Variants in AVEN observed in about 807,000 individuals in gnomAD.
The protein encoded by AVEN is cell death regulator Aven.
AVEN carries 41 observed loss-of-function variants against 38.1 expected under a neutral mutation model. The ratio of observed to expected loss-of-function variants is 1.08; its 90% CI spans 0.84 to 1.40. The LOEUF is 1.40. Ranked by LOEUF, AVEN falls within the 40% of genes most tolerant of loss-of-function variation. The pLI, the probability that AVEN is intolerant of heterozygous loss-of-function variation, is 0.00. For missense variants in AVEN, 605 were observed against 438.8 expected, an observed-to-expected ratio of 1.38 and a Z score of -3.38; for synonymous variants, 206 against 171.8, an observed-to-expected ratio of 1.20 and a Z score of -1.56.
intron 11 of AVEN, chr15:33,859,577 T>C (rs781729201): frequency 6.2e-7 from 1 of 1,613,982 alleles, no homozygotes; most frequent in Non-Finnish European, 8.5e-7. Context: ...TTCTCTAGTG[T>C]TACCTTTTCC....
intron 5 of AVEN, 83 bp from the exon 6 acceptor site, chr15:33,866,811 TACA>T (rs1890575839): frequency 6.3e-6 from 6 of 955,866 alleles, no homozygotes; most frequent in Admixed American, 4.2e-5. Context: ...TTACTTTCCT[TACA>T]ACAAGGGGAA....
At chr15:33,974,985 G>GA (rs1895822397) in intron 2 of AVEN, among the ~76,000 whole-genome samples, 1 of 152,260 alleles carries the variant, frequency 6.6e-6, no homozygotes, top group African/African-American at 2.4e-5. Context: ...AGGAAAAAAA[G>GA]AACAACAGAT....
At chr15:33,860,470 T>G in intron 11 of AVEN, 1 of 557,152 alleles carries the variant, frequency 1.8e-6, no homozygotes, top group Non-Finnish European at 3.2e-6. Flanking sequence ...CGAGTATTAT[T>G]TTTCTAATTT....
At chr15:33,975,415 A>G (rs903115828) in intron 2 of AVEN, among the ~76,000 whole-genome samples, 3 of 152,212 alleles carry the variant, frequency 2.0e-5, no homozygotes, top group African/African-American at 7.2e-5. Flanking sequence ...TCTGCTGCCT[A>G]AACATTGATC....
intron 1 of AVEN, chr15:34,006,980 A>T (rs1193959166): frequency 1.4e-6 from 1 of 722,806 alleles, no homozygotes; most frequent in Non-Finnish European, 1.7e-6. Context: ...ATAAAGATAA[A>T]GGCATCATTT....
At chr15:33,873,934 C>T (rs1891113999) in intron 3 of AVEN, among the ~76,000 whole-genome samples, 1 of 150,812 alleles carries the variant, frequency 6.6e-6, no homozygotes, top group Admixed American at 6.6e-5. Flanking sequence ...CCCTGTCCCA[C>T]GCTCACTGCC....
At chr15:33,970,147 TATAC>T (rs1895571809) in intron 2 of AVEN, among the ~76,000 whole-genome samples, 1 of 152,064 alleles carries the variant, frequency 6.6e-6, no homozygotes, top group East Asian at 1.9e-4. Flanking sequence ...CTTGTGGTAA[TATAC>T]ATAAAGTTAT....
exon 1 of AVEN, among the ~76,000 whole-genome samples, chr15:34,074,518 CT>C (rs1900694899): frequency 6.6e-6 from 1 of 152,106 alleles, no homozygotes; most frequent in African/African-American, 2.4e-5. Context: ...GAGAAAGGAT[CT>C]GTTTCAGGCC....
intron 1 of AVEN, among the ~76,000 whole-genome samples, chr15:34,074,012 T>TGAGACACAGTCC (rs1900687925): frequency 2.9e-5 from 3 of 104,254 alleles, no homozygotes; most frequent in Non-Finnish European, 4.0e-5. Context: ...TTTTTTTTTT[T>TGAGACACAGTCC]TTTGAGACAC....
At chr15:33,865,259 A>AGCAAAGAAGCGC, downstream of AVEN, 1 of 1,488,652 alleles carries the variant, frequency 6.7e-7, no homozygotes, top group Non-Finnish European at 9.3e-7. Flanking sequence ...AATTCTGGAC[A>AGCAAAGAAGCGC]GTCAACTTCC....
At chr15:34,015,365 C>G (rs891916635) in intron 1 of AVEN, among the ~76,000 whole-genome samples, 1 of 151,944 alleles carries the variant, frequency 6.6e-6, no homozygotes, top group African/African-American at 2.4e-5. Flanking sequence ...CACCTGTAGT[C>G]CAGCTACTCG....
intron 2 of AVEN, among the ~76,000 whole-genome samples, chr15:33,887,245 T>C (rs1425357282): frequency 6.6e-6 from 1 of 152,122 alleles, no homozygotes; most frequent in Non-Finnish European, 1.5e-5. Context: ...ACCAAACTAC[T>C]TGAGAAATAG....
At position 34,068,461 on chromosome 15, in the gene AVEN, C is replaced by A. The variant is rs139490404; in HGVS notation, n.785-1650G>T. On this transcript the variant is annotated intron_variant and non_coding_transcript_variant, in intron 2 of 11. Transcript: ENST00000675287. ...GGCTCAGGCAATCCACCCGATTTGG[C>A]CTGGCAAAGTGCTGAGATTGCAGGC... 3.1e-3 allele frequency among the ~76,000 whole-genome samples: 470 copies of A among 152,180 alleles called. 2 individuals carry two copies. Among genetic ancestry groups the A allele is most frequent in the African/African-American group, 0.011 (438 of 41,528 alleles).
chr15:33,872,847 T>C (rs116754651), intron 3 of AVEN, among the ~76,000 whole-genome samples: 231 of 152,204 alleles, frequency 1.5e-3, no homozygotes, highest in African/African-American at 5.2e-3. Flanking sequence ...AGAATCCCAC[T>C]TGTGGATCTA....
At chr15:34,038,639 C>A in intron 1 of AVEN, 141 bp downstream of exon 1, 9 of 738,334 alleles carry the variant, frequency 1.2e-5, no homozygotes, top group Non-Finnish European at 1.4e-5. Context: ...GCGCCACCAT[C>A]CGCCCGTCCC....
chr15:33,854,242 C>T, downstream of AVEN: 1 of 637,944 alleles, frequency 1.6e-6, no homozygotes, highest in Non-Finnish European at 2.7e-6. Flanking sequence ...GTTCTCTTGT[C>T]TCATGGGGAG....
At chr15:34,069,309 A>G (rs1900585447) in intron 2 of AVEN, among the ~76,000 whole-genome samples, 1 of 152,012 alleles carries the variant, frequency 6.6e-6, no homozygotes, top group Non-Finnish European at 1.5e-5. Flanking sequence ...AATCCCAGCT[A>G]CTTGGGAGGC....
intron 2 of AVEN, among the ~76,000 whole-genome samples, chr15:33,959,386 T>G (rs955770404): frequency 2.6e-5 from 4 of 152,184 alleles, no homozygotes; most frequent in African/African-American, 9.6e-5. Context: ...AGGTCCCTCT[T>G]GTCTACTAAA....
chr15:34,006,025 G>A (rs1251094899), intron 1 of AVEN, among the ~76,000 whole-genome samples: 1 of 152,102 alleles, frequency 6.6e-6, no homozygotes, highest in Non-Finnish European at 1.5e-5. Flanking sequence ...ACAGAAAATA[G>A]CCTTGGCCAG....
Sources: gnomAD v4.1 joint callset for allele counts (sites outside exome capture counted in the v4.1 genomes callset) on GRCh38, gnomAD v4.1.1 for gene constraint, MANE v1.5 for transcripts, NCBI Gene and HGNC (gene_info 2026-07-23, HGNC 2026-07-21) for gene names.